The following KIFC3 variants were observed in gnomAD, a reference collection of about 807,000 sequenced individuals.
KIFC3 encodes the protein kinesin-like protein KIFC3.
In KIFC3, 60 loss-of-function variants were observed where a neutral mutation model predicts 101.8. The ratio of observed to expected loss-of-function variants is 0.59; its 90% CI spans 0.48 to 0.73. The LOEUF is 0.73. Among genes scored for constraint, KIFC3 ranks in the 30% least tolerant of loss-of-function variants. The pLI, the probability that KIFC3 is intolerant of heterozygous loss-of-function variation, is 0.00. For synonymous variants in KIFC3, 476 were observed against 482.7 expected, an observed-to-expected ratio of 0.99 and a Z score of 0.18; for missense variants, 966 against 1,137.1, an observed-to-expected ratio of 0.85 and a Z score of 2.16.
At chr16:57,855,070 TAAAAAC>T (rs1242823364) in intron 1 of KIFC3, among the ~76,000 whole-genome samples, 1 of 149,970 alleles carries the variant, frequency 6.7e-6, no homozygotes, top group Non-Finnish European at 1.5e-5. Flanking sequence ...GAATAAAAAT[TAAAAAC>T]AAAATAAAAA....
At position 57,813,702 on chromosome 16, in the gene KIFC3, C is replaced by A. The variant is rs181557896; in HGVS notation, c.109-15420G>T. On this transcript the variant is annotated intron_variant, in intron 1 of 2. Coordinates refer to the KIFC3 transcript ENST00000563028. ...GCATCCTGCGTGTGTCCAGCACCTCCCTGCACCCGGGCACCACTCATGCAG... is the reference window on the plus strand; with the variant it reads ...GCATCCTGCGTGTGTCCAGCACCTCACTGCACCCGGGCACCACTCATGCAG... 1.3e-4 allele frequency: 132 copies of A among 984,876 alleles called. No homozygotes were observed. The East Asian group carries it at 0.013, about 96-fold the overall frequency. 61.0% of individuals were successfully genotyped at this position (984,876 alleles called of 1,614,324 possible). A position where few individuals can be genotyped will look rare whatever the true frequency, so the allele number is the denominator to read the frequency against.
chr16:57,831,070 A>G (rs2055571782), intron 1 of KIFC3, among the ~76,000 whole-genome samples: 1 of 152,236 alleles, frequency 6.6e-6, no homozygotes. Context: ...TGAGCCTTGC[A>G]AGTCCAGGAT....
chr16:57,812,874 G>A lies in KIFC3; in HGVS notation c.109-14592C>T, dbSNP rs534299969. On this transcript the variant is annotated intron_variant, in intron 1 of 2. Transcript: ENST00000563028. The stretch of plus-strand genomic sequence containing the variant: ...GTCCAGCCATGTCTGCTTGGCAGTT[G>A]TGGGGCACAGGCAGATGCAGCTGCC... 5.3e-5 allele frequency among the ~76,000 whole-genome samples: 8 copies of A among 152,320 alleles called. No homozygotes were observed. In the East Asian group the frequency reaches 7.7e-4, roughly 15 times the overall value.
intron 1 of KIFC3, among the ~76,000 whole-genome samples, chr16:57,832,308 A>G (rs1486733680): frequency 1.5e-5 from 2 of 134,116 alleles, no homozygotes; most frequent in Non-Finnish European, 3.1e-5. Context: ...GCCATGAGCC[A>G]CGGCGCCAGG....
chr16:57,816,798 C>A (rs1555628951), intron 1 of KIFC3: 3 of 452,464 alleles, frequency 6.6e-6, no homozygotes, highest in South Asian at 3.1e-5. Context: ...CATGGGAAAC[C>A]AAGACCAGGG....
At chr16:57,825,395 T>C (rs558155135) in intron 1 of KIFC3, among the ~76,000 whole-genome samples, 2 of 152,226 alleles carry the variant, frequency 1.3e-5, no homozygotes, top group Admixed American at 6.5e-5. Flanking sequence ...CATGAAAGCA[T>C]AGATACGTGT....
chr16:57,802,557 G>C, upstream of KIFC3: 1 of 990,438 alleles, frequency 1.0e-6, no homozygotes, highest in Non-Finnish European at 1.2e-6. The surrounding 1 kb of genome is among the most constrained non-coding windows in gnomAD (Gnocchi z 5.0). Context: ...AACCGGCTCC[G>C]ACCCCGGCGG....
At chr16:57,802,628 C>T (rs2054816096), upstream of KIFC3, 11 of 1,068,618 alleles carry the variant, frequency 1.0e-5, no homozygotes, top group South Asian at 3.1e-4. This position sits in a 1 kb window ranked among gnomAD's most constrained non-coding sequence, Gnocchi z 5.0. Context: ...CCCGGGCGCG[C>T]CCCCGCAGGT....
intron 1 of KIFC3, chr16:57,815,647 TAAG>T: frequency 7.8e-7 from 1 of 1,289,806 alleles, no homozygotes; most frequent in Non-Finnish European, 1.0e-6. Flanking sequence ...TCCAAAAACG[TAAG>T]TGAAGTGGGT....
At chr16:57,822,565 CG>C (rs1477887142) in intron 1 of KIFC3, among the ~76,000 whole-genome samples, 2 of 151,974 alleles carry the variant, frequency 1.3e-5, no homozygotes, top group Non-Finnish European at 2.9e-5. Context: ...GGTGTGGCAG[CG>C]GGCACCTGTA....
intron 3 of KIFC3, among the ~76,000 whole-genome samples, chr16:57,787,995 T>G (rs1255519505): frequency 6.6e-6 from 1 of 152,210 alleles, no homozygotes; most frequent in Non-Finnish European, 1.5e-5. Context: ...GGCTCTCGCT[T>G]ACTGCGAGGG....
chr16:57,778,070 G>A (rs1555612705), intron 3 of KIFC3, among the ~76,000 whole-genome samples: 2 of 152,202 alleles, frequency 1.3e-5, no homozygotes, highest in Non-Finnish European at 2.9e-5. Context: ...CTCGAGCCCA[G>A]GAGTTCAAGA....
intron 3 of KIFC3, among the ~76,000 whole-genome samples, chr16:57,780,338 C>T (rs1373070638): frequency 6.6e-6 from 1 of 151,962 alleles, no homozygotes; most frequent in Non-Finnish European, 1.5e-5. Context: ...TGGTGAAACC[C>T]CATCTCTACT....
upstream of KIFC3, chr16:57,803,516 A>G: frequency 2.5e-6 from 1 of 407,524 alleles, no homozygotes; most frequent in Non-Finnish European, 4.9e-6. Context: ...GCCCAAGAAG[A>G]TCAAGGAGAG....
upstream of KIFC3, chr16:57,803,184 C>T: frequency 1.3e-6 from 1 of 750,754 alleles, no homozygotes; most frequent in Non-Finnish European, 2.3e-6. Context: ...TAAAACACAC[C>T]AATGGTGCAG....
chr16:57,758,381 A>G lies in KIFC3; in HGVS notation c.*553T>C, dbSNP rs2049384294. 1 of 333,672 alleles carries G rather than the reference A, an allele frequency of 3.0e-6. No homozygotes were observed. The highest frequency in any genetic ancestry group is 4.3e-5 in the Admixed American group (1 of 23,072). The allele number at this position is 333,672 out of a possible 1,614,324, so 20.7% of individuals were successfully genotyped here. ...CTGGCTGCCTCTGCCAGCCATAAAC[A>G]CAGCACGGCCCCGTGGCGGGAGGCC... On this transcript the variant is annotated 3_prime_UTR_variant, in exon 20 of 20. Coordinates refer to ENST00000445690, the MANE Select transcript of KIFC3 (RefSeq NM_001130100.2).
At chr16:57,810,524 C>G (rs1027469644) in intron 1 of KIFC3, 1 of 299,210 alleles carries the variant, frequency 3.3e-6, no homozygotes, top group African/African-American at 2.3e-5. Flanking sequence ...ACACCACCAG[C>G]TTCCAGGTGA....
intron 3 of KIFC3, 124 bp downstream of exon 3, chr16:57,794,875 A>G: frequency 1.2e-6 from 1 of 814,512 alleles, no homozygotes; most frequent in Non-Finnish European, 1.8e-6. Context: ...GGCCCAACAG[A>G]GAGGTGCGAG....
At chr16:57,839,991 A>G (rs2055770436) in intron 1 of KIFC3, among the ~76,000 whole-genome samples, 1 of 152,072 alleles carries the variant, frequency 6.6e-6, no homozygotes, top group African/African-American at 2.4e-5. Flanking sequence ...TCGCTGGCCC[A>G]TTCCTCCCCA....
Sources: allele counts gnomAD v4.1 joint callset (sites outside exome capture counted in the v4.1 genomes callset), GRCh38; gene constraint gnomAD v4.1.1; non-coding constraint Gnocchi (gnomAD v3.1); transcripts MANE v1.5; gene names NCBI Gene and HGNC (gene_info 2026-07-23, HGNC 2026-07-21).